The following GRIP1 variants were observed in gnomAD, a reference collection of about 807,000 sequenced individuals.
The protein encoded by GRIP1 is glutamate receptor-interacting protein 1.
GRIP1 carries 45 observed loss-of-function variants against 129.9 expected under a neutral mutation model. The ratio of observed to expected loss-of-function variants is 0.35; its 90% confidence interval spans 0.27 to 0.44. The LOEUF is 0.44. Ranked by LOEUF, GRIP1 falls within the 20% of genes least tolerant of loss-of-function variation. The probability of loss-of-function intolerance (pLI) is 1.00; values close to 1 mark genes in which losing one functional copy is unlikely to be tolerated. For missense variants in GRIP1, 1,196 were observed against 1,396.8 expected (o/e 0.86, Z 2.29); for synonymous variants, 530 against 520.8 (o/e 1.02, Z -0.24).
At chr12:66,879,841 C>A (rs2040444969) in intron 1 of GRIP1, among the ~76,000 whole-genome samples, 1 of 151,964 alleles carries the variant, frequency 6.6e-6, no homozygotes, top group Non-Finnish European at 1.5e-5. Context: ...AATTGAAATA[C>A]AGTATAACTA....
At chr12:66,438,489 G>A (rs1258792398) in intron 13 of GRIP1, among the ~76,000 whole-genome samples, 1 of 148,076 alleles carries the variant, frequency 6.8e-6, no homozygotes, top group Admixed American at 6.9e-5. Context: ...CGTTCACCGA[G>A]TATTTTTTTT....
chr12:66,773,831 CTTTTCT>C (rs2037895617), intron 1 of GRIP1, among the ~76,000 whole-genome samples: 1 of 152,082 alleles, frequency 6.6e-6, no homozygotes, highest in African/African-American at 2.4e-5. Context: ...TTTGGCATGT[CTTTTCT>C]TTATCAAAGA....
chr12:66,352,473 C>T (rs1389179252), intron 24 of GRIP1, among the ~76,000 whole-genome samples: 1 of 152,164 alleles, frequency 6.6e-6, no homozygotes. Context: ...TGGCTCACAC[C>T]TATAATCCCA....
At position 66,465,346 on chromosome 12, in the gene GRIP1, T is replaced by G; in HGVS notation, c.801A>C (p.Leu267=). The G allele has an allele frequency of 6.2e-7, 1 of 1,613,942 alleles. No homozygotes were observed. Among genetic ancestry groups the G allele is most frequent in the Non-Finnish European group, 8.5e-7 (1 of 1,179,806 alleles). The part of the protein sequence containing the change: ...KTPGASLGVA[L]TTSMCCNKQV... ...GTTTGTTACAGCACATCGAGGTAGT[T>G]AGGGCAACCCCAAGGCTGGCACCAG... The change falls in exon 8 of 25, where the codon CTA becomes CTC. Residue 267 remains leucine, a synonymous_variant. Transcript: ENST00000359742.
intron 14 of GRIP1, among the ~76,000 whole-genome samples, chr12:66,430,660 G>C (rs951075960): frequency 6.6e-6 from 1 of 152,024 alleles, no homozygotes; most frequent in Non-Finnish European, 1.5e-5. Flanking sequence ...ACACCATAGG[G>C]TATTTTTAGA....
intron 1 of GRIP1, among the ~76,000 whole-genome samples, chr12:66,636,976 C>T (rs958728097): frequency 2.4e-4 from 36 of 152,224 alleles, no homozygotes; most frequent in Admixed American, 5.2e-4. Context: ...AGTGGAGCAA[C>T]GGGTGTCACA....
intron 1 of GRIP1, among the ~76,000 whole-genome samples, chr12:66,636,824 G>A (rs7952777): frequency 0.59 from 88,865 of 151,432 alleles, 27,962 homozygotes; most frequent in African/African-American, 0.83. Flanking sequence ...CCAGGAAAAG[G>A]GCCCTCACCA....
chr12:66,794,602 A>G (rs549125086), intron 1 of GRIP1, among the ~76,000 whole-genome samples: 16 of 152,300 alleles, frequency 1.1e-4, no homozygotes, highest in South Asian at 4.1e-4. Context: ...CGTTACTTCT[A>G]TTCTGAGCTG....
upstream of GRIP1, among the ~76,000 whole-genome samples, chr12:66,806,886 G>C (rs1490637303): frequency 1.3e-5 from 2 of 151,838 alleles, no homozygotes; most frequent in African/African-American, 4.8e-5. Context: ...ATGTGGTTTG[G>C]TGGTGCTGGG....
intron 1 of GRIP1, among the ~76,000 whole-genome samples, chr12:66,862,513 C>T (rs1379723809): frequency 1.3e-5 from 2 of 152,052 alleles, no homozygotes; most frequent in East Asian, 3.9e-4. Context: ...TCCTCACTAC[C>T]CATGAATGGG....
At chr12:66,592,131 A>G (rs2063870763) in intron 2 of GRIP1, among the ~76,000 whole-genome samples, 1 of 152,218 alleles carries the variant, frequency 6.6e-6, no homozygotes, top group Non-Finnish European at 1.5e-5. Context: ...GAGAGGGCAG[A>G]ACCTTCAAAT....
intron 1 of GRIP1, among the ~76,000 whole-genome samples, chr12:66,929,706 C>G (rs1024196446): frequency 1.3e-5 from 2 of 152,158 alleles, no homozygotes; most frequent in African/African-American, 4.8e-5. Context: ...AAGAAGCCTC[C>G]TCTACATCTA....
At chr12:66,734,656 T>C (rs2036540164) in intron 1 of GRIP1, among the ~76,000 whole-genome samples, 1 of 152,094 alleles carries the variant, frequency 6.6e-6, no homozygotes, top group African/African-American at 2.4e-5. Context: ...AACAAGATAT[T>C]TTAAAAAGGG....
At chr12:66,961,247 C>T (rs1484446569) in intron 1 of GRIP1, among the ~76,000 whole-genome samples, 1 of 151,874 alleles carries the variant, frequency 6.6e-6, no homozygotes, top group African/African-American at 2.4e-5. Context: ...CAGGGAGGAA[C>T]ACCAGGGGAG....
intron 1 of GRIP1, among the ~76,000 whole-genome samples, chr12:66,620,813 G>A (rs2065239222): frequency 6.6e-6 from 1 of 151,728 alleles, no homozygotes; most frequent in Non-Finnish European, 1.5e-5. Flanking sequence ...GGCCAGGGGA[G>A]GAGGGGGAAG....
chr12:66,770,883 C>G (rs983761874), intron 1 of GRIP1, among the ~76,000 whole-genome samples: 5 of 152,110 alleles, frequency 3.3e-5, no homozygotes, highest in Non-Finnish European at 5.9e-5. Flanking sequence ...ATCATGAGGT[C>G]AGGAGTTCGA....
At chr12:66,639,382 G>A (rs1006543349) in intron 1 of GRIP1, among the ~76,000 whole-genome samples, 6 of 152,118 alleles carry the variant, frequency 3.9e-5, no homozygotes, top group Admixed American at 3.3e-4. Context: ...CATTGGGGGA[G>A]GGCGTTCCAG....
At chr12:67,018,013 T>C (rs182126587) in intron 1 of GRIP1, among the ~76,000 whole-genome samples, 7 of 152,330 alleles carry the variant, frequency 4.6e-5, no homozygotes, top group Admixed American at 3.9e-4. Flanking sequence ...AACAGATACC[T>C]GAAATACTGA....
At chr12:66,513,076 C>A (rs1164183432) in intron 7 of GRIP1, among the ~76,000 whole-genome samples, 2 of 152,048 alleles carry the variant, frequency 1.3e-5, no homozygotes, top group African/African-American at 2.4e-5. Context: ...ATTGTCCCAG[C>A]ATCATTTACT....
Sources: gnomAD v4.1 joint callset for allele counts (sites outside exome capture counted in the v4.1 genomes callset) on GRCh38, gnomAD v4.1.1 for gene constraint, MANE v1.5 for transcripts, NCBI Gene and HGNC (gene_info 2026-07-23, HGNC 2026-07-21) for gene names.